Variants in ZC3H4 observed in about 807,000 individuals in gnomAD.
ZC3H4 encodes the protein zinc finger CCCH domain-containing protein 4.
Under a neutral mutation model 108.3 loss-of-function variants are expected in ZC3H4, and 13 were observed. The ratio of observed to expected loss-of-function variants is 0.12; its 90% CI spans 0.08 to 0.19. The LOEUF is 0.19. ZC3H4 is among the 10% of genes least tolerant of loss of function. ZC3H4 has a pLI of 1.00. For missense variants in ZC3H4, 1,734 were observed against 1,838.8 expected, an observed-to-expected ratio of 0.94 and a Z score of 1.04; for synonymous variants, 917 against 749.6, an observed-to-expected ratio of 1.22 and a Z score of -3.65.
Position 47,067,638 on chromosome 19 carries a change from G to A in ZC3H4, c.2630C>T (p.Ser877Phe). The change falls in exon 15 of 15, where the codon TCT becomes TTT. Residue 877 changes from serine to phenylalanine, a missense_variant. Around this residue, in one of 9 missense-constraint regions of ZC3H4, gnomAD observed 540 missense variants for 484.1 expected, o/e 1.12. Coordinates refer to ENST00000253048, the MANE Select transcript of ZC3H4 (RefSeq NM_015168.2). This position sits in a 1 kb window ranked among gnomAD's most constrained non-coding sequence, Gnocchi z 6.4. ...DPRLTRHVEA[S>F]GGSGPGDSGP... ...CGAATCACCTGGGCCAGACCCGCCA[G>A]AAGCCTCCACATGGCGGGTGAGTCT... The A allele has an allele frequency of 6.2e-7, 1 of 1,605,170 alleles. No homozygotes were observed. Among genetic ancestry groups the A allele is most frequent in the Admixed American group, 1.7e-5 (1 of 59,242 alleles).
At position 47,067,033 on chromosome 19, in the gene ZC3H4, C is replaced by T. The variant is rs1185020362; in HGVS notation, c.3235G>A (p.Asp1079Asn). 4.4e-6 allele frequency: 7 copies of T among 1,602,040 alleles called. No homozygotes were observed. The highest frequency in any genetic ancestry group is 4.5e-5 in the East Asian group (2 of 44,654). Residue 1079 changes from aspartate to asparagine, a missense_variant, in exon 15 of 15, where the codon GAC becomes AAC. Physicochemically the swap from Asp to Asn is conservative, Grantham distance 23 (BLOSUM62 1). Coordinates refer to ENST00000253048, the MANE Select transcript of ZC3H4 (RefSeq NM_015168.2). This position sits in a 1 kb window ranked among gnomAD's most constrained non-coding sequence, Gnocchi z 6.4. Reference sequence around the variant, plus strand: ...TCTGTGGGTTTCTGCAGCCGAGGGTCGGTGGGGGCCTTCCGCACCCGGGGG... The same window carrying T: ...TCTGTGGGTTTCTGCAGCCGAGGGTTGGTGGGGGCCTTCCGCACCCGGGGG... ...SDPRVRKAPT[D>N]PRLQKPTDST... is the part of the protein sequence containing the mutation.
rs555548086 is a variant in ZC3H4, at chr19:47,068,697, G to C, written c.2398+395C>G. On this transcript the variant is annotated intron_variant, in intron 14 of 14. Transcript: ENST00000253048. ...CTGAGACTCGGTGGCTCGTGACTAT[G>C]ATTATTACTGGTTAATTTCAATGAC... Among the ~76,000 whole-genome samples, 3 of 152,324 alleles carry C rather than the reference G, an allele frequency of 2.0e-5. No individual in the cohort carries two copies. In the South Asian group the frequency reaches 6.2e-4, roughly 32 times the overall value.
rs1460230261 is a variant in ZC3H4 at position 47,071,889 on chromosome 19, A to G, written c.2035T>C (p.Ser679Pro). Residue 679 changes from serine to proline, a missense_variant, in exon 13 of 15, where the codon TCC (serine) becomes CCC (proline). Physicochemically the swap from Ser to Pro is moderately conservative, Grantham distance 74. Coordinates refer to ENST00000253048, the MANE Select transcript of ZC3H4 (RefSeq NM_015168.2). ...PPMMPYGPGD[S>P]PHSGMMPPIP... ...GGGGGCATCATTCCAGAATGTGGGG[A>G]GTCTCCAGGGCCGTAGGGCATCATT... 6.2e-7 allele frequency: 1 copy of G among 1,612,784 alleles called. No individual in the cohort carries two copies. Among genetic ancestry groups the G allele is most frequent in the East Asian group, 2.2e-5 (1 of 44,852 alleles).
chr19:47,092,973 T>C (rs1223044332), intron 4 of ZC3H4, among the ~76,000 whole-genome samples: 1 of 151,572 alleles, frequency 6.6e-6, no homozygotes, highest in Non-Finnish European at 1.5e-5. Flanking sequence ...TCCCAGCACT[T>C]TGAGAGGCCG....
At chr19:47,076,015 C>G (rs954197041) in intron 11 of ZC3H4, among the ~76,000 whole-genome samples, 2 of 152,208 alleles carry the variant, frequency 1.3e-5, no homozygotes, top group Non-Finnish European at 1.5e-5. Context: ...ATCACAGTTT[C>G]CAACAGTCAG....
At chr19:47,082,354 G>T in intron 9 of ZC3H4, 59 bp from the exon 10 acceptor site, 1 of 1,267,778 alleles carries the variant, frequency 7.9e-7, no homozygotes, top group Non-Finnish European at 1.2e-6. Context: ...GCTTACTTCT[G>T]TCTGCAAAGG....
Position 47,090,187 on chromosome 19 carries a change from G to C in ZC3H4, c.495C>G (p.Ser165=). 1 of 1,614,130 alleles carries C rather than the reference G, an allele frequency of 6.2e-7. No homozygotes were observed. Among genetic ancestry groups the C allele is most frequent in the Non-Finnish European group, 8.5e-7 (1 of 1,180,004 alleles). Reference sequence around the variant, plus strand: ...CATGCGATGGGGGGTACTGCTGGTGGGACTGCGTCCCAGAGATGGGGAAAA... The same window carrying C: ...CATGCGATGGGGGGTACTGCTGGTGCGACTGCGTCCCAGAGATGGGGAAAA... ...YREYSPPYAP[S]HQQYPPSHAT... Residue 165 remains serine, a splice_region_variant and synonymous_variant, in exon 5 of 15, where the codon TCC becomes TCG. Transcript: ENST00000253048.
At chr19:47,076,604 C>A (rs1458909015) in intron 11 of ZC3H4, among the ~76,000 whole-genome samples, 1 of 152,154 alleles carries the variant, frequency 6.6e-6, no homozygotes, top group Admixed American at 6.6e-5. Flanking sequence ...GCCTGTAATC[C>A]CAGCACTTTG....
Position 47,066,470 on chromosome 19 carries a change from G to A in ZC3H4, c.3798C>T (p.Gly1266=), listed in dbSNP as rs2057196738. The A allele has an allele frequency of 1.9e-6, 3 of 1,581,462 alleles. No individual in the cohort carries two copies. The highest frequency in any genetic ancestry group is 2.6e-6 in the Non-Finnish European group (3 of 1,163,844). The part of the protein sequence containing the change: ...FGTVKQTPKT[G]SGSPFAGNSP... ...TGTTCCCAGCAAATGGGCTTCCTGAGCCCGTCTTGGGTGTCTGCTTCACCG... is the reference window on the plus strand; with the variant it reads ...TGTTCCCAGCAAATGGGCTTCCTGAACCCGTCTTGGGTGTCTGCTTCACCG... The change falls in exon 15 of 15, where the codon GGC becomes GGT. Residue 1266 remains glycine, a synonymous_variant. Coordinates refer to ENST00000253048, the MANE Select transcript of ZC3H4 (RefSeq NM_015168.2).
At chr19:47,069,412 C>T in intron 13 of ZC3H4, 69 bp from the exon 14 acceptor site, 1 of 1,543,996 alleles carries the variant, frequency 6.5e-7, no homozygotes, top group Non-Finnish European at 8.7e-7. Context: ...GCCCCCCTGC[C>T]CCTCACTGCA....
intron 2 of ZC3H4, among the ~76,000 whole-genome samples, chr19:47,105,636 A>G (rs761658601): frequency 3.5e-4 from 53 of 152,260 alleles, no homozygotes; most frequent in Admixed American, 2.7e-3. Context: ...CTTTACCTAC[A>G]AAAACAGGCT....
At chr19:47,099,387 A>G (rs1028643890) in intron 2 of ZC3H4, among the ~76,000 whole-genome samples, 1 of 151,692 alleles carries the variant, frequency 6.6e-6, no homozygotes, top group South Asian at 2.1e-4. Context: ...TGAACCTGGG[A>G]GGCGGAGGTT....
At chr19:47,110,978 GGGGAGGT>G in intron 2 of ZC3H4, 2 of 964,436 alleles carry the variant, frequency 2.1e-6, no homozygotes, top group Non-Finnish European at 1.2e-6. Context: ...AAAGGGGAAA[GGGGAGGT>G]GGGAGTGGGG....
rs370450807 is a variant in ZC3H4, at chr19:47,111,146, A to C, written c.161+1278T>G. On this transcript the variant is annotated intron_variant, in intron 2 of 14. Coordinates refer to ENST00000253048, the MANE Select transcript of ZC3H4 (RefSeq NM_015168.2). ...TCCCCTCTCCACCCCCATTCCCTCC[A>C]AGACTCGCTTTCCTGCCGGCTGAAA... Among the ~76,000 whole-genome samples, 8 of 152,250 alleles carry C rather than the reference A, an allele frequency of 5.3e-5. No individual in the cohort carries two copies. The South Asian group carries it at 1.7e-3, about 32-fold the overall frequency.
chr19:47,069,371 T>A (rs780163973), intron 13 of ZC3H4, 28 bp from the exon 14 acceptor site: 1 of 1,603,210 alleles, frequency 6.2e-7, no homozygotes, highest in Non-Finnish European at 8.5e-7. Flanking sequence ...CGAGGGTTCA[T>A]GTCGGGAAGG....
intron 10 of ZC3H4, 47 bp from the exon 11 acceptor site, chr19:47,081,669 C>G (rs548408640): frequency 2.6e-6 from 4 of 1,512,590 alleles, no homozygotes; most frequent in South Asian, 1.1e-5. Flanking sequence ...GAACGCCCCC[C>G]TCCCCCACCA....
At chr19:47,082,990 C>A (rs1020957451) in intron 9 of ZC3H4, among the ~76,000 whole-genome samples, 8 of 152,198 alleles carry the variant, frequency 5.3e-5, no homozygotes, top group African/African-American at 1.9e-4. Context: ...TAACCGTGAA[C>A]TGAAGACAGA....
In ZC3H4 at chr19:47,098,514, A is replaced by G. The variant is rs568781149; in HGVS notation, c.162-3906T>C. 8.8e-5 allele frequency among the ~76,000 whole-genome samples: 13 copies of G among 147,766 alleles called. No homozygotes were observed. In the South Asian group the frequency reaches 1.9e-3, roughly 22 times the overall value. On this transcript the variant is annotated intron_variant, in intron 2 of 14. Coordinates refer to ENST00000253048, the MANE Select transcript of ZC3H4 (RefSeq NM_015168.2). ...AAAAAAAAAAAAAAAAACTAATCCC[A>G]GCACTTTGGGAGGCCAAGGCAGGCA... is the stretch of plus-strand genomic sequence containing the variant.
chr19:47,072,565 G>C lies in ZC3H4; in HGVS notation c.1589C>G (p.Thr530Ser). 4 of 1,560,680 alleles carry C rather than the reference G, an allele frequency of 2.6e-6. No individual in the cohort carries two copies. The highest frequency in any genetic ancestry group is 3.5e-6 in the Non-Finnish European group (4 of 1,156,054). Reference sequence around the variant, plus strand: ...CTGCATGGGCCTGCCGTTGGGAGAGGTTGGAGCCTGCGGGCCAGGGGGCCG... The same window carrying C: ...CTGCATGGGCCTGCCGTTGGGAGAGCTTGGAGCCTGCGGGCCAGGGGGCCG... Reference protein sequence around the residue: ...PPRPPGPQAPTSPNGRPMQGG... With the variant: ...PPRPPGPQAPSSPNGRPMQGG... The change falls in exon 12 of 15, where the codon ACC (threonine) becomes AGC (serine). Residue 530 changes from threonine (T) to serine (S), a missense_variant. By Grantham distance (58) the Thr-to-Ser change is moderately conservative (BLOSUM62 1). Around this residue, in one of 9 missense-constraint regions of ZC3H4, gnomAD observed 75 missense variants for 85.8 expected, o/e 0.87. Coordinates refer to ENST00000253048, the MANE Select transcript of ZC3H4 (RefSeq NM_015168.2). The surrounding 1 kb of genome is among the most constrained non-coding windows in gnomAD (Gnocchi z 5.6).
Sources: allele counts gnomAD v4.1 joint callset (sites outside exome capture counted in the v4.1 genomes callset), GRCh38; gene constraint gnomAD v4.1.1; regional missense constraint gnomAD v4.1.1; non-coding constraint Gnocchi (gnomAD v3.1); transcripts MANE v1.5; gene names NCBI Gene and HGNC (gene_info 2026-07-23, HGNC 2026-07-21).